The following NKAIN3 variants were observed in gnomAD, a reference collection of about 807,000 sequenced individuals.
NKAIN3 encodes sodium/potassium-transporting ATPase subunit beta-1-interacting protein 3.
Under a neutral mutation model 30.2 loss-of-function variants are expected in NKAIN3, and 25 were observed. The observed-to-expected ratio is 0.83, with a 90% CI of 0.60 to 1.16. NKAIN3 has a LOEUF of 1.16. Ranked by LOEUF, NKAIN3 falls within the 50% of genes most tolerant of loss-of-function variation. The pLI is 0.00. For synonymous variants in NKAIN3, 91 were observed against 89.6 expected (o/e 1.02, Z -0.09); for missense variants, 225 against 254.1 (o/e 0.89, Z 0.78).
chr8:62,805,874 A>G (rs1338216112), intron 4 of NKAIN3, among the ~76,000 whole-genome samples: 1 of 152,198 alleles, frequency 6.6e-6, no homozygotes. Flanking sequence ...CAACCTACAA[A>G]ATGGGAGAAA....
intron 4 of NKAIN3, among the ~76,000 whole-genome samples, chr8:62,758,428 G>C (rs1012145645): frequency 6.6e-6 from 1 of 152,014 alleles, no homozygotes; most frequent in Admixed American, 6.6e-5. Context: ...TATGGGTGAA[G>C]GATATACAAA....
At chr8:62,721,159 A>G (rs1179559167) in intron 3 of NKAIN3, among the ~76,000 whole-genome samples, 1 of 152,194 alleles carries the variant, frequency 6.6e-6, no homozygotes, top group Non-Finnish European at 1.5e-5. Context: ...AGAGTCACAT[A>G]TAGAAGCCGG....
intron 4 of NKAIN3, among the ~76,000 whole-genome samples, chr8:62,859,288 G>GAT (rs1193542794): frequency 6.6e-6 from 1 of 151,972 alleles, no homozygotes; most frequent in Non-Finnish European, 1.5e-5. Flanking sequence ...TGGATAGCTG[G>GAT]ATAATTCAGT....
intron 1 of NKAIN3, among the ~76,000 whole-genome samples, chr8:62,425,535 A>G (rs1460558570): frequency 6.6e-6 from 1 of 151,912 alleles, no homozygotes; most frequent in Non-Finnish European, 1.5e-5. Flanking sequence ...ACTTAATCTT[A>G]TAGACTTTGG....
Position 62,984,033 on chromosome 8 carries a change from G to A in NKAIN3, c.*18626G>A, listed in dbSNP as rs1483824234. 1 of 152,190 alleles carries A rather than the reference G, an allele frequency of 6.6e-6. No homozygotes were observed. The highest frequency in any genetic ancestry group is 1.5e-5 in the Non-Finnish European group (1 of 68,036). The allele number at this position is 152,190 out of a possible 1,614,324, so 9.4% of individuals were successfully genotyped here. A position where few individuals can be genotyped will look rare whatever the true frequency, so the allele number is the denominator to read the frequency against. ...TCAAAGGGAGTGCCTGGGTAACCATGATGTAATTGCAGATTGACACATCTT... is the reference window on the plus strand; with the variant it reads ...TCAAAGGGAGTGCCTGGGTAACCATAATGTAATTGCAGATTGACACATCTT... On this transcript the variant is annotated 3_prime_UTR_variant, in exon 7 of 7. Transcript: ENST00000623646.
intron 1 of NKAIN3, among the ~76,000 whole-genome samples, chr8:62,422,620 A>G (rs558489494): frequency 6.6e-6 from 1 of 152,092 alleles, no homozygotes; most frequent in Non-Finnish European, 1.5e-5. Context: ...AATCAATCAT[A>G]TGCTCTTTCC....
intron 5 of NKAIN3, among the ~76,000 whole-genome samples, chr8:62,949,048 C>T (rs1385240387): frequency 1.3e-5 from 2 of 152,212 alleles, no homozygotes; most frequent in African/African-American, 4.8e-5. Context: ...CAGTAAATTT[C>T]TCAGAGCTGA....
chr8:62,635,839 C>G (rs1249331674), intron 3 of NKAIN3, among the ~76,000 whole-genome samples: 1 of 152,152 alleles, frequency 6.6e-6, no homozygotes, highest in Non-Finnish European at 1.5e-5. Flanking sequence ...TGGACTACGA[C>G]AGAAAGTTTT....
intron 1 of NKAIN3, among the ~76,000 whole-genome samples, chr8:62,469,405 T>C (rs1238782963): frequency 6.6e-6 from 1 of 152,150 alleles, no homozygotes; most frequent in Non-Finnish European, 1.5e-5. Flanking sequence ...AAGTCAATGA[T>C]ACAGTTGAAT....
intron 3 of NKAIN3, among the ~76,000 whole-genome samples, chr8:62,732,697 T>C (rs1815514343): frequency 6.6e-6 from 1 of 152,132 alleles, no homozygotes; most frequent in Non-Finnish European, 1.5e-5. Flanking sequence ...TTGACACTAA[T>C]GTACTGTATA....
At chr8:62,959,245 G>A (rs898944856) in intron 6 of NKAIN3, among the ~76,000 whole-genome samples, 2 of 152,084 alleles carry the variant, frequency 1.3e-5, no homozygotes, top group African/African-American at 2.4e-5. Flanking sequence ...TTCTGTCTCT[G>A]ACAATCCGGG....
At chr8:62,666,602 T>C (rs1378378856) in intron 3 of NKAIN3, among the ~76,000 whole-genome samples, 1 of 152,202 alleles carries the variant, frequency 6.6e-6, no homozygotes, top group African/African-American at 2.4e-5. Flanking sequence ...CTCATTTTAA[T>C]TTTTGTATGT....
At chr8:62,730,862 G>A (rs1228464529) in intron 3 of NKAIN3, among the ~76,000 whole-genome samples, 1 of 152,056 alleles carries the variant, frequency 6.6e-6, no homozygotes, top group African/African-American at 2.4e-5. Flanking sequence ...TAACAATTGA[G>A]ATTTTCTGCG....
chr8:62,853,512 C>G (rs1374962320), intron 4 of NKAIN3, among the ~76,000 whole-genome samples: 1 of 152,074 alleles, frequency 6.6e-6, no homozygotes. Flanking sequence ...TTACAGTATT[C>G]TCTGATGGTT....
intron 1 of NKAIN3, among the ~76,000 whole-genome samples, chr8:62,430,175 G>A (rs1345528957): frequency 1.3e-5 from 2 of 151,680 alleles, no homozygotes; most frequent in Non-Finnish European, 2.9e-5. Flanking sequence ...GCATGTATCA[G>A]AATTTCTTCC....
At chr8:62,665,109 G>A (rs72651579) in intron 3 of NKAIN3, among the ~76,000 whole-genome samples, 3,980 of 152,216 alleles carry the variant, frequency 0.026, 79 homozygotes, top group Non-Finnish European at 0.038. Context: ...CCCCAAAACT[G>A]AGTCAGAATC....
intron 1 of NKAIN3, among the ~76,000 whole-genome samples, chr8:62,459,059 G>GAAA (rs11373955): frequency 1.3e-4 from 19 of 143,830 alleles, no homozygotes; most frequent in Admixed American, 2.1e-4. Context: ...TGTTGTCAGA[G>GAAA]AAAAAAAAAA....
rs894075387 is a variant in NKAIN3, at chr8:62,968,442, C to A, written c.*3035C>A. Among the ~76,000 whole-genome samples the A allele has an allele frequency of 5.3e-5, 8 of 152,156 alleles. No individual in the cohort carries two copies. The highest frequency in any genetic ancestry group is 1.4e-4 in the African/African-American group (6 of 41,424). On this transcript the variant is annotated 3_prime_UTR_variant, in exon 7 of 7. Transcript: ENST00000623646. The stretch of plus-strand genomic sequence containing the variant: ...TCACTACATGCACTGTATGTTCTTG[C>A]CAAACCTCAGCTTCTCCATATGCAA...
chr8:62,863,405 G>A lies in NKAIN3; in HGVS notation c.472-55048G>A, dbSNP rs575051611. 5 of 1,547,656 alleles carry A rather than the reference G, an allele frequency of 3.2e-6. No homozygotes were observed. In the African/African-American group the frequency reaches 4.1e-5, roughly 13 times the overall value. ...TCCATACACATCAAGATGTTTTGCG[G>A]CTTTATGTCAGTATGAGTAATCTTG... is the stretch of plus-strand genomic sequence containing the variant. On this transcript the variant is annotated intron_variant, in intron 4 of 6. Coordinates refer to ENST00000623646, the MANE Select transcript of NKAIN3 (RefSeq NM_001304533.3).
Sources: allele counts gnomAD v4.1 joint callset (sites outside exome capture counted in the v4.1 genomes callset), GRCh38; gene constraint gnomAD v4.1.1; transcripts MANE v1.5; gene names NCBI Gene and HGNC (gene_info 2026-07-23, HGNC 2026-07-21).